ATP13A4: variants seen among roughly 807,000 people sequenced by gnomAD.
The protein encoded by ATP13A4 is ATPase 13A4.
In ATP13A4, 114 loss-of-function variants were observed where a neutral mutation model predicts 142.5. The observed-to-expected ratio is 0.80, with a 90% CI of 0.69 to 0.93. The LOEUF is 0.93. ATP13A4 is among the 40% of genes least tolerant of loss of function. ATP13A4 has a pLI of 0.00. For synonymous variants in ATP13A4, 488 were observed against 514.8 expected (o/e 0.95, Z 0.70); for missense variants, 1,392 against 1,454.0 (o/e 0.96, Z 0.69).
At position 193,401,556 on chromosome 3, in the gene ATP13A4, G is replaced by T. The variant is rs1184113067; in HGVS notation, c.*1096C>A. Among the ~76,000 whole-genome samples, 2 of 152,128 alleles carry T rather than the reference G, an allele frequency of 1.3e-5. No individual in the cohort carries two copies. Among genetic ancestry groups the T allele is most frequent in the Admixed American group, 6.5e-5 (1 of 15,278 alleles). On this transcript the variant is annotated 3_prime_UTR_variant, in exon 30 of 30. Transcript: ENST00000342695. ...TCCTAAAACATAGGATAAGTTACTG[G>T]GGTTAGGAAAAGTGGGCTGTAGTGG...
intron 2 of ATP13A4, among the ~76,000 whole-genome samples, chr3:193,507,196 GC>G (rs980329173): frequency 2.0e-5 from 3 of 152,076 alleles, no homozygotes; most frequent in African/African-American, 7.2e-5. Context: ...ATGCTAAAAG[GC>G]TGAACTCTAG....
At chr3:193,449,334 G>A (rs1338149802) in intron 17 of ATP13A4, among the ~76,000 whole-genome samples, 1 of 152,150 alleles carries the variant, frequency 6.6e-6, no homozygotes, top group Non-Finnish European at 1.5e-5. Context: ...CACCAGCACT[G>A]CCTAACTCTG....
rs142084206 is a variant in ATP13A4, at chr3:193,438,189, G to C, written c.2672+286C>G. Among the ~76,000 whole-genome samples, 714 of 152,220 alleles carry C rather than the reference G, an allele frequency of 4.7e-3. 3 individuals are homozygous for C. The highest frequency in any genetic ancestry group is 0.016 in the African/African-American group (681 of 41,530). The stretch of plus-strand genomic sequence containing the variant: ...AATTGAAAAGGAGATAGTTACATTT[G>C]AAAAATGGGGATGATTGACACTTTC... On this transcript the variant is annotated intron_variant, in intron 23 of 29. Coordinates refer to ENST00000342695, the MANE Select transcript of ATP13A4 (RefSeq NM_032279.4).
chr3:193,557,736 C>A (rs1400241449), upstream of ATP13A4, among the ~76,000 whole-genome samples: 1 of 152,200 alleles, frequency 6.6e-6, no homozygotes, highest in Non-Finnish European at 1.5e-5. Context: ...CCAAAGTGCT[C>A]TGCAAAGAGG....
chr3:193,573,335 T>A (rs1376788924), intron 2 of ATP13A4, among the ~76,000 whole-genome samples: 1 of 71,892 alleles, frequency 1.4e-5, no homozygotes, highest in Non-Finnish European at 2.8e-5. Context: ...ATAATTTGTA[T>A]CTACTATGCT....
At chr3:193,572,197 G>A (rs766460162) in intron 2 of ATP13A4, among the ~76,000 whole-genome samples, 4 of 152,098 alleles carry the variant, frequency 2.6e-5, no homozygotes, top group Admixed American at 6.5e-5. Flanking sequence ...GCAGTGAGCC[G>A]AGATCATGCC....
At chr3:193,576,157 T>C (rs1020837573) in intron 2 of ATP13A4, among the ~76,000 whole-genome samples, 10 of 150,138 alleles carry the variant, frequency 6.7e-5, no homozygotes, top group African/African-American at 2.4e-4. Flanking sequence ...ATCAAAGGTG[T>C]CCATGAGAGC....
intron 18 of ATP13A4, among the ~76,000 whole-genome samples, chr3:193,446,935 CTT>C (rs1716989888): frequency 6.6e-6 from 1 of 152,138 alleles, no homozygotes; most frequent in South Asian, 2.1e-4. Context: ...ATTCAAGAAT[CTT>C]ATATCTGAGC....
chr3:193,455,382 C>T (rs1338044427), intron 16 of ATP13A4, among the ~76,000 whole-genome samples: 1 of 149,306 alleles, frequency 6.7e-6, no homozygotes, highest in African/African-American at 2.5e-5. Context: ...AGGACATGAA[C>T]GCTTTTCAAA....
At chr3:193,500,246 G>A (rs1476069183) in intron 3 of ATP13A4, among the ~76,000 whole-genome samples, 6 of 152,024 alleles carry the variant, frequency 3.9e-5, no homozygotes, top group African/African-American at 1.2e-4. Context: ...TCCTCTCCCC[G>A]GGCTTTCTGC....
intron 1 of ATP13A4, among the ~76,000 whole-genome samples, chr3:193,538,026 G>A (rs1258377634): frequency 6.6e-6 from 1 of 152,138 alleles, no homozygotes; most frequent in African/African-American, 2.4e-5. Flanking sequence ...GAAACATTCT[G>A]TGTCTTGACT....
chr3:193,404,900 A>G (rs2108598878), intron 29 of ATP13A4, among the ~76,000 whole-genome samples: 1 of 152,294 alleles, frequency 6.6e-6, no homozygotes, highest in South Asian at 2.1e-4. Flanking sequence ...TGGCTACTCA[A>G]ATAACTCATA....
At chr3:193,451,612 C>T (rs1717284248) in intron 17 of ATP13A4, among the ~76,000 whole-genome samples, 1 of 152,114 alleles carries the variant, frequency 6.6e-6, no homozygotes, top group Non-Finnish European at 1.5e-5. Context: ...TATGCCTCCT[C>T]CTGAAGTATC....
rs376459565 is a variant in ATP13A4, at chr3:193,459,150, A to G, written c.1605T>C (p.Ser535=). ...PLCAAMASCH[S]LILLDGTIQG... The stretch of plus-strand genomic sequence containing the variant: ...GGATGGTCCCATCAAGAAGGATCAG[A>G]GAGTGGCAGCTGGCCATCGCTGCAC... The change falls in exon 14 of 30, where the codon TCT becomes TCC. Residue 535 remains serine (S), a synonymous_variant. Coordinates refer to ENST00000342695, the MANE Select transcript of ATP13A4 (RefSeq NM_032279.4). 32 of 1,614,122 alleles carry G rather than the reference A, an allele frequency of 2.0e-5. No homozygotes were observed. Among genetic ancestry groups the G allele is most frequent in the Admixed American group, 3.3e-5 (2 of 60,016 alleles).
intron 1 of ATP13A4, among the ~76,000 whole-genome samples, chr3:193,527,372 G>C (rs571634860): frequency 6.6e-5 from 10 of 152,010 alleles, no homozygotes; most frequent in Admixed American, 2.0e-4. Flanking sequence ...CCAGCACTAT[G>C]GGGGGGCCAA....
At chr3:193,433,376 A>C (rs549322543) in intron 25 of ATP13A4, among the ~76,000 whole-genome samples, 53 of 152,278 alleles carry the variant, frequency 3.5e-4, no homozygotes, top group African/African-American at 1.2e-3. Flanking sequence ...TTAGGGAGAC[A>C]ATTTATTCAT....
intron 6 of ATP13A4, among the ~76,000 whole-genome samples, chr3:193,490,842 G>C (rs141933656): frequency 6.6e-6 from 1 of 152,126 alleles, no homozygotes; most frequent in Non-Finnish European, 1.5e-5. Context: ...GATAATAATC[G>C]CTGTAAAGTG....
chr3:193,487,378 G>A (rs1029458805), intron 7 of ATP13A4, among the ~76,000 whole-genome samples: 3 of 152,174 alleles, frequency 2.0e-5, no homozygotes, highest in Non-Finnish European at 4.4e-5. Flanking sequence ...TGCTCAACTC[G>A]TAATGGAAAA....
chr3:193,475,665 T>C (rs1718922655), intron 8 of ATP13A4, among the ~76,000 whole-genome samples: 2 of 151,986 alleles, frequency 1.3e-5, no homozygotes, highest in South Asian at 4.1e-4. Context: ...TCTATATCTA[T>C]ACAAAATAAT....
Sources: allele counts gnomAD v4.1 joint callset (sites outside exome capture counted in the v4.1 genomes callset), GRCh38; gene constraint gnomAD v4.1.1; transcripts MANE v1.5; gene names NCBI Gene and HGNC (gene_info 2026-07-23, HGNC 2026-07-21).